The following TAB2 variants were observed in gnomAD, a reference collection of about 807,000 sequenced individuals.
TAB2 encodes TGF-beta-activated kinase 1 and MAP3K7-binding protein 2.
Under a neutral mutation model 65.0 loss-of-function variants are expected in TAB2, and 3 were observed. The ratio of observed to expected loss-of-function variants is 0.05; its 90% CI spans 0.02 to 0.12. The LOEUF (loss-of-function observed/expected upper bound fraction) is 0.12, where lower values mean the gene tolerates loss of function less well. Ranked by LOEUF, TAB2 falls within the 10% of genes least tolerant of loss-of-function variation. The probability of loss-of-function intolerance (pLI) is 1.00; values close to 1 mark genes in which losing one functional copy is unlikely to be tolerated. For missense variants in TAB2, 623 were observed against 840.3 expected, an observed-to-expected ratio of 0.74 and a Z score of 3.20; for synonymous variants, 298 against 285.1, an observed-to-expected ratio of 1.05 and a Z score of -0.46.
At position 149,410,703 on chromosome 6, in the gene TAB2, C is replaced by G. The variant is rs1262939169; in HGVS notation, c.*984C>G. ...AGGTCACATTAAATACTGACTTGAG[C>G]AGTGGGTGACACAACACAGTGTTTG... On this transcript the variant is annotated 3_prime_UTR_variant, in exon 7 of 7. Transcript: ENST00000637181. 3.9e-5 allele frequency: 6 copies of G among 152,582 alleles called. No homozygotes were observed. The highest frequency in any genetic ancestry group is 1.4e-4 in the African/African-American group (6 of 41,426). The allele number at this position is 152,582 out of a possible 1,614,324, so 9.5% of individuals were successfully genotyped here. A position where few individuals can be genotyped will look rare whatever the true frequency, so the allele number is the denominator to read the frequency against.
chr6:149,368,697 T>C (rs1335526850), intron 1 of TAB2, among the ~76,000 whole-genome samples: 13 of 149,820 alleles, frequency 8.7e-5, no homozygotes, highest in Admixed American at 8.6e-4. Context: ...AGAAATACTT[T>C]TGGAAAATCT....
intron 1 of TAB2, among the ~76,000 whole-genome samples, chr6:149,249,172 A>ACACACACACACG (rs1777806030): frequency 3.8e-4 from 3 of 7,810 alleles, no homozygotes. Flanking sequence ...ACACACACGC[A>ACACACACACACG]CACACACACA....
chr6:149,318,114 C>G (rs1171505630), intron 1 of TAB2, 99 bp downstream of exon 1: 1 of 154,192 alleles, frequency 6.5e-6, no homozygotes, highest in Non-Finnish European at 1.4e-5. Context: ...TCTGCCGCCT[C>G]GCGAGGCCCG....
intron 2 of TAB2, among the ~76,000 whole-genome samples, chr6:149,374,613 A>G (rs992038178): frequency 6.6e-6 from 1 of 152,246 alleles, no homozygotes; most frequent in Admixed American, 6.5e-5. Context: ...GCTGCTAAAA[A>G]TCATCAGTTG....
At chr6:149,388,302 T>C (rs1260511778) in intron 3 of TAB2, among the ~76,000 whole-genome samples, 1 of 152,166 alleles carries the variant, frequency 6.6e-6, no homozygotes, top group African/African-American at 2.4e-5. Flanking sequence ...CCTCAACGCA[T>C]GTTACTCTGT....
chr6:149,268,986 A>T (rs1778313875), intron 1 of TAB2, among the ~76,000 whole-genome samples: 1 of 152,254 alleles, frequency 6.6e-6, no homozygotes, highest in Non-Finnish European at 1.5e-5. Flanking sequence ...TTATCAAAGT[A>T]CAAGGGGCTC....
At chr6:149,310,359 G>A (rs915947054) in intron 1 of TAB2, among the ~76,000 whole-genome samples, 6 of 151,864 alleles carry the variant, frequency 4.0e-5, no homozygotes, top group African/African-American at 7.3e-5. Flanking sequence ...AACAAAAAAC[G>A]TAAATGTGGG....
At chr6:149,262,546 AAT>A (rs1778176824) in intron 1 of TAB2, among the ~76,000 whole-genome samples, 1 of 152,020 alleles carries the variant, frequency 6.6e-6, no homozygotes, top group African/African-American at 2.4e-5. Context: ...AAAAAAAAAA[AAT>A]CTCATATGCT....
intron 1 of TAB2, among the ~76,000 whole-genome samples, chr6:149,267,163 A>G (rs1778279388): frequency 6.6e-6 from 1 of 151,990 alleles, no homozygotes. Flanking sequence ...TTTGAGGGAG[A>G]CTGGGAGGTT....
chr6:149,366,209 C>T (rs1195859911), intron 1 of TAB2, among the ~76,000 whole-genome samples: 1 of 152,048 alleles, frequency 6.6e-6, no homozygotes, highest in Non-Finnish European at 1.5e-5. Flanking sequence ...TTCTGTATTC[C>T]TCCAGTGAGT....
chr6:149,313,756 A>T (rs142326022), upstream of TAB2, among the ~76,000 whole-genome samples: 40 of 152,276 alleles, frequency 2.6e-4, no homozygotes, highest in African/African-American at 9.4e-4. Context: ...CACTTGTTCC[A>T]CCATGTAGAC....
intron 2 of TAB2, among the ~76,000 whole-genome samples, chr6:149,370,675 T>C (rs772358557): frequency 2.0e-5 from 3 of 152,170 alleles, no homozygotes; most frequent in African/African-American, 7.2e-5. Flanking sequence ...AATTTGTACA[T>C]TGTTCTTAGT....
chr6:149,326,251 G>A, intron 1 of TAB2, among the ~76,000 whole-genome samples: 1 of 127,300 alleles, frequency 7.9e-6, no homozygotes, highest in African/African-American at 3.0e-5. Flanking sequence ...TAGCCTGGGT[G>A]ACAAAGCAAG....
At chr6:149,409,296 A>G (rs1441627841) in intron 6 of TAB2, among the ~76,000 whole-genome samples, 1 of 152,150 alleles carries the variant, frequency 6.6e-6, no homozygotes, top group African/African-American at 2.4e-5. Context: ...TTGCTATTAG[A>G]TACCCTTTAT....
intron 1 of TAB2, among the ~76,000 whole-genome samples, chr6:149,241,697 A>G (rs1262380255): frequency 6.6e-6 from 1 of 152,216 alleles, no homozygotes; most frequent in Non-Finnish European, 1.5e-5. Context: ...AATTAATTCC[A>G]TATTACGCTA....
intron 1 of TAB2, chr6:149,244,102 C>T (rs1215097832): frequency 6.6e-6 from 1 of 152,240 alleles, no homozygotes; most frequent in African/African-American, 2.4e-5. Flanking sequence ...AGACAATGTA[C>T]ACCAATCAAA....
At chr6:149,262,694 T>A (rs778166340) in intron 1 of TAB2, among the ~76,000 whole-genome samples, 22 of 152,316 alleles carry the variant, frequency 1.4e-4, no homozygotes, top group Admixed American at 8.5e-4. Context: ...CCACATCACA[T>A]CCATCATCTT....
chr6:149,380,608 G>A (rs1781575089), intron 3 of TAB2, among the ~76,000 whole-genome samples: 1 of 152,140 alleles, frequency 6.6e-6, no homozygotes, highest in Non-Finnish European at 1.5e-5. Context: ...AGATAAGAAG[G>A]TGGAGGTTAT....
chr6:149,325,670 A>G (rs929370077), intron 1 of TAB2, among the ~76,000 whole-genome samples: 1 of 152,224 alleles, frequency 6.6e-6, no homozygotes, highest in Non-Finnish European at 1.5e-5. Flanking sequence ...AAACACCTCA[A>G]ATATGAGGTT....
Sources: allele counts gnomAD v4.1 joint callset (sites outside exome capture counted in the v4.1 genomes callset), GRCh38; gene constraint gnomAD v4.1.1; transcripts MANE v1.5; gene names NCBI Gene and HGNC (gene_info 2026-07-23, HGNC 2026-07-21).